Variants in CENPL observed in about 807,000 individuals in gnomAD.
CENPL encodes the protein centromere protein L.
CENPL carries 20 observed loss-of-function variants against 35.2 expected under a neutral mutation model. That is an observed-to-expected ratio of 0.57 (90% CI 0.40 to 0.83). The LOEUF (loss-of-function observed/expected upper bound fraction) is 0.83, where lower values mean the gene tolerates loss of function less well. CENPL is among the 40% of genes least tolerant of loss of function. CENPL has a pLI of 0.00. For synonymous variants in CENPL, 140 were observed against 140.6 expected, an observed-to-expected ratio of 1.00 and a Z score of 0.03; for missense variants, 363 against 395.8, an observed-to-expected ratio of 0.92 and a Z score of 0.70.
rs1649626998 is a variant in CENPL at position 173,800,290 on chromosome 1, G to T, written c.*158C>A. On this transcript the variant is annotated 3_prime_UTR_variant, in exon 6 of 6. Coordinates refer to ENST00000682279, the MANE Select transcript of CENPL (RefSeq NM_001387287.1). ...TACTACCATATTCTTTGTTCTTCTA[G>T]ATCCTTCTTGGCTTCCATCTTGGCA... 1 of 508,688 alleles carries T rather than the reference G, an allele frequency of 2.0e-6. No individual in the cohort carries two copies. The highest frequency in any genetic ancestry group is 3.1e-5 in the East Asian group (1 of 31,998). 31.5% of individuals were successfully genotyped at this position (508,688 alleles called of 1,614,324 possible).
In CENPL at chr1:173,811,219, C is replaced by T; in HGVS notation, c.81G>A (p.Leu27=). ...TCCTGACCGATTCTAATCGTTTCTG[C>T]AGAGGAGTGGCACCTATAAAGTAAT... The part of the protein sequence containing the change: ...PEDYFIGATP[L]QKRLESVRKQ... Residue 27 remains leucine (L), a synonymous_variant, in exon 3 of 6, where the codon CTG becomes CTA. Transcript: ENST00000682279. 1.9e-6 allele frequency: 3 copies of T among 1,613,904 alleles called. No homozygotes were observed. The highest frequency in any genetic ancestry group is 2.5e-6 in the Non-Finnish European group (3 of 1,179,810).
At chr1:173,812,904 C>G (rs558868875) in intron 2 of CENPL, among the ~76,000 whole-genome samples, 1 of 152,050 alleles carries the variant, frequency 6.6e-6, no homozygotes, top group African/African-American at 2.4e-5. Flanking sequence ...TGTAACCCAT[C>G]GCAAGGAAGC....
At chr1:173,809,259 C>T (rs1650568327) in intron 3 of CENPL, among the ~76,000 whole-genome samples, 1 of 152,048 alleles carries the variant, frequency 6.6e-6, no homozygotes, top group African/African-American at 2.4e-5. Context: ...AGGAGAATCG[C>T]TTGAACCCAG....
At chr1:173,804,230 A>G (rs926608062) in intron 4 of CENPL, among the ~76,000 whole-genome samples, 2 of 152,228 alleles carry the variant, frequency 1.3e-5, no homozygotes, top group Admixed American at 1.3e-4. Context: ...TAGACCCTAC[A>G]GTTTCTACCC....
chr1:173,800,293 C>A lies in CENPL; in HGVS notation c.*155G>T. On this transcript the variant is annotated 3_prime_UTR_variant, in exon 6 of 6. Transcript: ENST00000682279. ...TACCATATTCTTTGTTCTTCTAGATCCTTCTTGGCTTCCATCTTGGCAACT... is the reference window on the plus strand; with the variant it reads ...TACCATATTCTTTGTTCTTCTAGATACTTCTTGGCTTCCATCTTGGCAACT... 3 of 509,384 alleles carry A rather than the reference C, an allele frequency of 5.9e-6. No individual in the cohort carries two copies. Among genetic ancestry groups the A allele is most frequent in the Non-Finnish European group, 1.1e-5 (3 of 279,026 alleles). 31.6% of individuals were successfully genotyped at this position (509,384 alleles called of 1,614,324 possible). A position where few individuals can be genotyped will look rare whatever the true frequency, so the allele number is the denominator to read the frequency against.
intron 2 of CENPL, among the ~76,000 whole-genome samples, chr1:173,817,596 G>T (rs1311439493): frequency 2.0e-5 from 3 of 152,192 alleles, no homozygotes; most frequent in African/African-American, 7.2e-5. Flanking sequence ...AGACAGTGTG[G>T]CAATTCCTCA....
chr1:173,801,407 G>A (rs566951254), intron 5 of CENPL, among the ~76,000 whole-genome samples: 27 of 151,232 alleles, frequency 1.8e-4, no homozygotes, highest in Admixed American at 1.4e-3. Flanking sequence ...CCAGCTACTC[G>A]GGAGGCTGAG....
At chr1:173,800,704 T>C (rs1486446216) in intron 5 of CENPL, among the ~76,000 whole-genome samples, 185 bp from the exon 6 acceptor site, 1 of 152,164 alleles carries the variant, frequency 6.6e-6, no homozygotes, top group South Asian at 2.1e-4. Context: ...TCCCAGCACT[T>C]TGAGAGGCCG....
chr1:173,814,189 C>T (rs1209753858), intron 2 of CENPL, among the ~76,000 whole-genome samples: 1 of 152,016 alleles, frequency 6.6e-6, no homozygotes, highest in African/African-American at 2.4e-5. Context: ...AAAGCAGGTC[C>T]TTAGAGACCT....
In CENPL at chr1:173,823,953, C is replaced by CG. The variant is rs1652274474; in HGVS notation, c.-36_-35insC. On this transcript the variant is annotated 5_prime_UTR_variant, in exon 2 of 6. The change creates a premature stop within an existing upstream ORF in the 5' untranslated region. Transcript: ENST00000682279. ...ATAAAATGCCGTGATGACGCTGTCA[C>CG]CCATTCCGGATTCACGAATCATTCT... The CG allele has an allele frequency of 6.6e-6, 1 of 152,074 alleles. No individual in the cohort carries two copies. Among genetic ancestry groups the CG allele is most frequent in the Non-Finnish European group, 1.5e-5 (1 of 68,018 alleles). The allele number at this position is 152,074 out of a possible 1,614,324, so 9.4% of individuals were successfully genotyped here.
intron 2 of CENPL, among the ~76,000 whole-genome samples, chr1:173,820,516 T>TA (rs1557849727): frequency 3.3e-5 from 5 of 152,064 alleles, no homozygotes; most frequent in African/African-American, 1.2e-4. Flanking sequence ...CCTCTCTAAT[T>TA]AATAAATAAA....
chr1:173,812,974 A>C (rs1420884813), intron 2 of CENPL, among the ~76,000 whole-genome samples: 1 of 152,178 alleles, frequency 6.6e-6, no homozygotes, highest in African/African-American at 2.4e-5. Flanking sequence ...GTAGAGAAGA[A>C]CTTAAATGAC....
chr1:173,819,920 G>A (rs1651787186), intron 2 of CENPL, among the ~76,000 whole-genome samples: 1 of 151,810 alleles, frequency 6.6e-6, no homozygotes, highest in South Asian at 2.1e-4. Context: ...TGTTGGCCAG[G>A]CTGGTCTTGA....
At position 173,800,639 on chromosome 1, in the gene CENPL, C is replaced by T; in HGVS notation, c.964-120G>A. The T allele has an allele frequency of 1.8e-5, 10 of 553,988 alleles. No individual in the cohort carries two copies. The South Asian group carries it at 2.4e-4, about 13-fold the overall frequency. 34.3% of individuals were successfully genotyped at this position (553,988 alleles called of 1,614,324 possible). On this transcript the variant is annotated intron_variant, in intron 5 of 5. Coordinates refer to ENST00000682279, the MANE Select transcript of CENPL (RefSeq NM_001387287.1). ...TAACTTCTAGATTTAATTCATGAAG[C>T]TTACCACATGCAATACACTCATTTT... is the stretch of plus-strand genomic sequence containing the variant.
intron 3 of CENPL, among the ~76,000 whole-genome samples, chr1:173,810,328 T>C (rs557943265): frequency 1.3e-5 from 2 of 151,600 alleles, no homozygotes; most frequent in South Asian, 4.2e-4. Flanking sequence ...CATGGAAACA[T>C]AGAGGGGAAC....
intron 2 of CENPL, among the ~76,000 whole-genome samples, chr1:173,819,985 G>T (rs893880809): frequency 2.6e-5 from 4 of 151,978 alleles, no homozygotes; most frequent in African/African-American, 7.3e-5. Context: ...TTACAGGTGT[G>T]AGCCACCGCA....
chr1:173,817,831 A>T (rs151231084), intron 2 of CENPL, among the ~76,000 whole-genome samples: 214 of 152,342 alleles, frequency 1.4e-3, no homozygotes, highest in Middle Eastern at 0.01. Context: ...GCCATAAAAA[A>T]GAATAAGTTC....
Position 173,807,392 on chromosome 1 carries a change from T to A in CENPL, c.295A>T (p.Ile99Phe). The change falls in exon 4 of 6, where the codon ATT becomes TTT. Residue 99 changes from isoleucine (I) to phenylalanine (F), a missense_variant. Ile to Phe is a conservative substitution (Grantham distance 21). Coordinates refer to ENST00000682279, the MANE Select transcript of CENPL (RefSeq NM_001387287.1). ...AGTCCTTTTTGCTTTTCAGCAACAA[T>A]AAAAGCATTGAGAAGTCTAGAATAC... is the stretch of plus-strand genomic sequence containing the variant. ...KEYSRLLNAFIVAEKQKGLAV... is the reference protein window; with the variant it reads ...KEYSRLLNAFFVAEKQKGLAV... 1 of 1,613,620 alleles carries A rather than the reference T, an allele frequency of 6.2e-7. No individual in the cohort carries two copies. Among genetic ancestry groups the A allele is most frequent in the Non-Finnish European group, 8.5e-7 (1 of 1,179,736 alleles).
chr1:173,822,359 T>C (rs1652035646), intron 2 of CENPL: 1 of 152,174 alleles, frequency 6.6e-6, no homozygotes, highest in South Asian at 2.1e-4. Context: ...CTTTTTATAG[T>C]TCCAATTTAT....
Sources: allele counts gnomAD v4.1 joint callset (sites outside exome capture counted in the v4.1 genomes callset), GRCh38; gene constraint gnomAD v4.1.1; transcripts MANE v1.5; gene names NCBI Gene and HGNC (gene_info 2026-07-23, HGNC 2026-07-21).